ZFHX4: variants seen among roughly 807,000 people sequenced by gnomAD.
The protein encoded by ZFHX4 is zinc finger homeobox protein 4.
In ZFHX4, 56 loss-of-function variants were observed where a neutral mutation model predicts 267.6. That is an observed-to-expected ratio of 0.21 (90% CI 0.17 to 0.26). ZFHX4 has a LOEUF of 0.26. Among genes scored for constraint, ZFHX4 ranks in the 10% least tolerant of loss-of-function variants. The pLI, the probability that ZFHX4 is intolerant of heterozygous loss-of-function variation, is 1.00. For missense variants in ZFHX4, 4,332 were observed against 4,420.0 expected (o/e 0.98, Z 0.56); for synonymous variants, 1,778 against 1,665.6 (o/e 1.07, Z -1.64).
Position 76,854,382 on chromosome 8 carries a change from T to G in ZFHX4, c.7461T>G (p.Pro2487=). 6.2e-7 allele frequency: 1 copy of G among 1,613,860 alleles called. No individual in the cohort carries two copies. The highest frequency in any genetic ancestry group is 8.5e-7 in the Non-Finnish European group (1 of 1,179,844). ...TGACGTCTCTCCAGAACAGTCTACC[T>G]CCACAGTTACTACAATACCAATGTG... ...ISMTSLQNSL[P]PQLLQYQCDQ... Residue 2487 remains proline, a synonymous_variant, in exon 10 of 11, where the codon CCT becomes CCG. Transcript: ENST00000651372.
In ZFHX4 at chr8:76,763,185, G is replaced by T. The variant is rs1379478731; in HGVS notation, c.3094-15023G>T. The stretch of plus-strand genomic sequence containing the variant: ...TTGCTACTTTTAATATAGCCATCCA[G>T]TTGTCACTCCACTCTATTCTCATCC... On this transcript the variant is annotated intron_variant, in intron 3 of 10. Coordinates refer to ENST00000651372, the MANE Select transcript of ZFHX4 (RefSeq NM_024721.5). 3.3e-5 allele frequency among the ~76,000 whole-genome samples: 5 copies of T among 152,130 alleles called. No homozygotes were observed. In the East Asian group the frequency reaches 9.6e-4, roughly 29 times the overall value.
At chr8:76,848,914 G>T in intron 6 of ZFHX4, 81 bp from the exon 7 acceptor site, 2 of 1,342,036 alleles carry the variant, frequency 1.5e-6, no homozygotes, top group East Asian at 2.7e-5. Context: ...GTTTAGAGTC[G>T]CAAATGTTTG....
rs561390652 is a variant in ZFHX4 at position 76,854,955 on chromosome 8, G to A, written c.8034G>A (p.Pro2678=). 63 of 1,613,958 alleles carry A rather than the reference G, an allele frequency of 3.9e-5. No homozygotes were observed. The East Asian group carries it at 1.2e-3, about 30-fold the overall frequency. The change falls in exon 10 of 11, where the codon CCG becomes CCA. Residue 2678 remains proline (P), a synonymous_variant. Coordinates refer to ENST00000651372, the MANE Select transcript of ZFHX4 (RefSeq NM_024721.5). ...VGPAQSHKRC[P]FCRALFKAKS... is the part of the protein sequence containing the mutation. ...CAGCACAGTCTCATAAACGGTGTCCGTTTTGCCGAGCCCTGTTTAAAGCAA... is the reference window on the plus strand; with the variant it reads ...CAGCACAGTCTCATAAACGGTGTCCATTTTGCCGAGCCCTGTTTAAAGCAA...
chr8:76,710,272 A>T (rs1387401622), intron 3 of ZFHX4, among the ~76,000 whole-genome samples: 1 of 152,172 alleles, frequency 6.6e-6, no homozygotes. Context: ...TTCAAGAAAC[A>T]TTCATTATTT....
chr8:76,807,660 C>G (rs1334245644), intron 4 of ZFHX4, among the ~76,000 whole-genome samples: 2 of 152,150 alleles, frequency 1.3e-5, no homozygotes, highest in African/African-American at 2.4e-5. Flanking sequence ...ACACATATTA[C>G]AATCAGGCTG....
intron 1 of ZFHX4, among the ~76,000 whole-genome samples, chr8:76,695,884 A>G (rs1033184673): frequency 5.9e-5 from 9 of 152,236 alleles, no homozygotes; most frequent in Non-Finnish European, 1.2e-4. Flanking sequence ...ATTGCTGCCA[A>G]CTATTGTCTG....
At chr8:76,812,765 TG>T (rs938337930) in intron 4 of ZFHX4, among the ~76,000 whole-genome samples, 44 of 152,194 alleles carry the variant, frequency 2.9e-4, no homozygotes, top group Admixed American at 4.6e-4. Context: ...ACGAAAAAAA[TG>T]GATTTGCGGT....
chr8:76,732,033 G>A (rs1809028553), intron 3 of ZFHX4, among the ~76,000 whole-genome samples: 4 of 151,940 alleles, frequency 2.6e-5, no homozygotes, highest in Non-Finnish European at 5.9e-5. Context: ...GTAGAGACAG[G>A]ATTTCACCAT....
chr8:76,693,622 G>A (rs1368094032), intron 1 of ZFHX4: 1 of 152,158 alleles, frequency 6.6e-6, no homozygotes, highest in Admixed American at 6.5e-5. Context: ...TGCTTACGCT[G>A]GAGATTATTT....
In ZFHX4 at chr8:76,706,298, A is replaced by T; in HGVS notation, c.2210A>T (p.Gln737Leu). Reference sequence around the variant, plus strand: ...AATCTCCAAAATGGCAATGGTGAGCAGGTGTTTGGCCACTCTGCCCCAGCC... The same window carrying T: ...AATCTCCAAAATGGCAATGGTGAGCTGGTGTTTGGCCACTCTGCCCCAGCC... Reference protein sequence around the residue: ...VQNLQNGNGEQVFGHSAPAPN... With the variant: ...VQNLQNGNGELVFGHSAPAPN... The change falls in exon 2 of 11, where the codon CAG (glutamine) becomes CTG (leucine). Residue 737 changes from glutamine to leucine, a missense_variant. Gln to Leu is a moderately radical substitution (Grantham distance 113, BLOSUM62 -2). Coordinates refer to ENST00000651372, the MANE Select transcript of ZFHX4 (RefSeq NM_024721.5). The T allele has an allele frequency of 6.2e-7, 1 of 1,614,122 alleles. No homozygotes were observed. Among genetic ancestry groups the T allele is most frequent in the Non-Finnish European group, 8.5e-7 (1 of 1,180,008 alleles).
chr8:76,801,913 G>C (rs1197723734), intron 4 of ZFHX4, among the ~76,000 whole-genome samples: 1 of 152,114 alleles, frequency 6.6e-6, no homozygotes, highest in Admixed American at 6.6e-5. Context: ...CTTTGTTCTT[G>C]TGCAGGTTAA....
Position 76,704,115 on chromosome 8 carries a change from C to T in ZFHX4, c.27C>T (p.Ile9=), listed in dbSNP as rs1164016706. The T allele has an allele frequency of 6.2e-7, 1 of 1,612,378 alleles. No individual in the cohort carries two copies. The highest frequency in any genetic ancestry group is 8.5e-7 in the Non-Finnish European group (1 of 1,178,986). Residue 9 remains isoleucine (I), a synonymous_variant, in exon 2 of 11, where the codon ATC becomes ATT. Transcript: ENST00000651372. METCDSPP[I]SRQENGQSTS... Reference sequence around the variant, plus strand: ...TGGAAACCTGTGACTCCCCTCCTATCTCAAGGCAGGAAAATGGGCAGAGCA... The same window carrying T: ...TGGAAACCTGTGACTCCCCTCCTATTTCAAGGCAGGAAAATGGGCAGAGCA...
intron 5 of ZFHX4, among the ~76,000 whole-genome samples, chr8:76,837,338 C>T (rs909539903): frequency 6.6e-6 from 1 of 151,862 alleles, no homozygotes; most frequent in East Asian, 1.9e-4. Context: ...TAACATCGGT[C>T]GAGCAAAGGA....
At chr8:76,842,325 A>T (rs1405531427) in intron 5 of ZFHX4, among the ~76,000 whole-genome samples, 3 of 152,144 alleles carry the variant, frequency 2.0e-5, no homozygotes, top group African/African-American at 7.2e-5. Context: ...TTATGTTGTT[A>T]CAAGGTTCTA....
Position 76,705,783 on chromosome 8 carries a change from T to C in ZFHX4, c.1695T>C (p.Ser565=). The C allele has an allele frequency of 1.2e-6, 2 of 1,613,936 alleles. No homozygotes were observed. The highest frequency in any genetic ancestry group is 1.3e-5 in the African/African-American group (1 of 75,028). The change falls in exon 2 of 11, where the codon AGT becomes AGC. Residue 565 remains serine (S), a synonymous_variant. Transcript: ENST00000651372. The part of the protein sequence containing the change: ...SGKDFADASA[S]KDSATAAHPS... ...AGGACTTTGCAGACGCAAGTGCCAG[T>C]AAAGACAGTGCCACAGCTGCTCATC...
Position 76,855,197 on chromosome 8 carries a change from C to T in ZFHX4, c.8276C>T (p.Thr2759Ile), listed in dbSNP as rs753414000. ...ASTVSTPVSK[T>I]AELSPKNLLS... Reference sequence around the variant, plus strand: ...ACAGTGTCAACACCTGTTAGTAAAACAGCAGAGCTGTCACCGAAGAATCTT... The same window carrying T: ...ACAGTGTCAACACCTGTTAGTAAAATAGCAGAGCTGTCACCGAAGAATCTT... The change falls in exon 10 of 11, where the codon ACA becomes ATA. Residue 2759 changes from threonine (T) to isoleucine (I), a missense_variant. Thr to Ile is a moderately conservative substitution (Grantham distance 89). Around this residue, in one of 7 missense-constraint regions of ZFHX4, gnomAD observed 1,648 missense variants for 1,625.0 expected, o/e 1.01. Transcript: ENST00000651372. The T allele has an allele frequency of 5.0e-6, 8 of 1,613,136 alleles. No homozygotes were observed. Among genetic ancestry groups the T allele is most frequent in the Non-Finnish European group, 6.8e-6 (8 of 1,179,570 alleles).
chr8:76,861,261 G>T (rs1812859374), intron 10 of ZFHX4, among the ~76,000 whole-genome samples: 1 of 151,746 alleles, frequency 6.6e-6, no homozygotes, highest in Non-Finnish European at 1.5e-5. Flanking sequence ...TTAAATATTT[G>T]AATTATTTAA....
intron 3 of ZFHX4, among the ~76,000 whole-genome samples, chr8:76,760,949 A>AAG (rs1161740789): frequency 2.6e-4 from 39 of 150,310 alleles, no homozygotes; most frequent in African/African-American, 9.4e-4. Flanking sequence ...AAAAAAAAAA[A>AAG]AGAGAAAAAA....
intron 8 of ZFHX4, 29 bp downstream of exon 8, chr8:76,849,741 T>A (rs980525370): frequency 3.2e-6 from 5 of 1,574,078 alleles, no homozygotes; most frequent in East Asian, 2.3e-5. Context: ...GATGCATGTG[T>A]GACATAATCT....
Sources: gnomAD v4.1 joint callset for allele counts (sites outside exome capture counted in the v4.1 genomes callset) on GRCh38, gnomAD v4.1.1 for gene constraint, gnomAD v4.1.1 regional missense constraint, MANE v1.5 for transcripts, NCBI Gene and HGNC (gene_info 2026-07-23, HGNC 2026-07-21) for gene names.